SLIT3: variants seen among roughly 807,000 people sequenced by gnomAD.
The protein encoded by SLIT3 is slit guidance ligand 3.
A neutral mutation model predicts 184.0 loss-of-function variants in SLIT3; 68 were observed. The observed-to-expected ratio is 0.37, with a 90% CI of 0.30 to 0.45. The LOEUF (loss-of-function observed/expected upper bound fraction) is 0.45. SLIT3 is among the 20% of genes least tolerant of loss of function. The pLI is 1.00. For synonymous variants in SLIT3, 831 were observed against 828.6 expected, an observed-to-expected ratio of 1.00 and a Z score of -0.05; for missense variants, 1,707 against 2,026.0, an observed-to-expected ratio of 0.84 and a Z score of 3.02.
chr5:169,233,156 G>A (rs1765065755), intron 3 of SLIT3, among the ~76,000 whole-genome samples: 2 of 152,250 alleles, frequency 1.3e-5, no homozygotes, highest in South Asian at 2.1e-4. Flanking sequence ...CTCCCGAGTA[G>A]CTGGGACTAC....
intron 5 of SLIT3, among the ~76,000 whole-genome samples, chr5:168,859,078 CA>C (rs986781347): frequency 2.0e-5 from 3 of 152,200 alleles, no homozygotes; most frequent in Non-Finnish European, 4.4e-5. Context: ...GGATAATCAG[CA>C]CTAACGTTTC....
At chr5:168,815,385 A>G (rs1757305418) in intron 8 of SLIT3, among the ~76,000 whole-genome samples, 1 of 152,184 alleles carries the variant, frequency 6.6e-6, no homozygotes, top group Non-Finnish European at 1.5e-5. Flanking sequence ...CATACACTAC[A>G]TTAAACCTGG....
At chr5:168,703,133 T>C (rs189916092) in intron 26 of SLIT3, among the ~76,000 whole-genome samples, 3 of 152,260 alleles carry the variant, frequency 2.0e-5, no homozygotes, top group Non-Finnish European at 2.9e-5. Flanking sequence ...TTAATTAGCC[T>C]GATTCAATTC....
chr5:169,253,710 A>G (rs1765853963), intron 1 of SLIT3, among the ~76,000 whole-genome samples: 1 of 152,138 alleles, frequency 6.6e-6, no homozygotes, highest in South Asian at 2.1e-4. Flanking sequence ...CTCAACTTTG[A>G]AATTTCAGTT....
chr5:168,748,549 G>T, intron 19 of SLIT3, 115 bp from the exon 20 acceptor site: 1 of 1,065,390 alleles, frequency 9.4e-7, no homozygotes, highest in Non-Finnish European at 1.3e-6. Flanking sequence ...TCCCCGCTGT[G>T]TTCTAGAACC....
intron 4 of SLIT3, among the ~76,000 whole-genome samples, chr5:169,106,790 G>A (rs978296022): frequency 3.9e-5 from 6 of 152,184 alleles, no homozygotes; most frequent in African/African-American, 1.4e-4. Flanking sequence ...AAAGCAGTGG[G>A]CCAAATATCA....
intron 20 of SLIT3, among the ~76,000 whole-genome samples, chr5:168,740,632 C>G (rs1462175908): frequency 6.6e-6 from 1 of 152,090 alleles, no homozygotes; most frequent in African/African-American, 2.4e-5. Context: ...CACTCATTCT[C>G]CTGCTTACCC....
chr5:168,735,661 T>TAC (rs150528782), intron 20 of SLIT3, among the ~76,000 whole-genome samples: 25,718 of 141,730 alleles, frequency 0.18, 2,494 homozygotes, highest in East Asian at 0.31. Context: ...GACAGATAGA[T>TAC]ACACACACAC....
At chr5:168,912,629 G>A (rs993561078) in intron 4 of SLIT3, among the ~76,000 whole-genome samples, 1 of 152,156 alleles carries the variant, frequency 6.6e-6, no homozygotes, top group Non-Finnish European at 1.5e-5. Context: ...AGCCAGCAAA[G>A]TTTGGGTGTA....
intron 4 of SLIT3, among the ~76,000 whole-genome samples, chr5:169,146,448 C>G (rs981689219): frequency 9.9e-5 from 15 of 152,188 alleles, no homozygotes; most frequent in Admixed American, 3.3e-4. Flanking sequence ...AGCTGCAGGG[C>G]TTTCATCACT....
chr5:168,668,074 G>A (rs1278934899), intron 35 of SLIT3, among the ~76,000 whole-genome samples: 1 of 152,156 alleles, frequency 6.6e-6, no homozygotes, highest in Non-Finnish European at 1.5e-5. Flanking sequence ...CTCAAGGCAC[G>A]GGGTGGACTG....
chr5:168,823,401 G>A (rs1757600095), intron 6 of SLIT3, 70 bp from the exon 7 acceptor site: 4 of 1,092,568 alleles, frequency 3.7e-6, no homozygotes, highest in Admixed American at 3.4e-5. Flanking sequence ...CTTGTAGTAG[G>A]TCGGGGGAGG....
chr5:168,893,561 C>T (rs1184886440), intron 4 of SLIT3, among the ~76,000 whole-genome samples: 1 of 152,136 alleles, frequency 6.6e-6, no homozygotes, highest in Non-Finnish European at 1.5e-5. Flanking sequence ...GATCCTTTGG[C>T]CCGAAAGCTG....
At position 168,852,812 on chromosome 5, in the gene SLIT3, C is replaced by T. The variant is rs369872764; in HGVS notation, c.486-8157G>A. ...AACTAAGTGATTCACATCCATGCCC[C>T]TCAGTCTCAGTTGTAAAAGGCAGAT... On this transcript the variant is annotated intron_variant, in intron 5 of 35. Transcript: ENST00000519560. Among the ~76,000 whole-genome samples the T allele has an allele frequency of 2.0e-5, 3 of 152,254 alleles. No homozygotes were observed. In the East Asian group the frequency reaches 5.8e-4, roughly 29 times the overall value.
Position 169,071,444 on chromosome 5 carries a change from G to A in SLIT3, c.413+122035C>T, listed in dbSNP as rs192060303. ...GGGCAAAATAAAGAGGAGAAAGAGC[G>A]TTTGAGGGAAAGGTAGTTCATAAAA... On this transcript the variant is annotated intron_variant, in intron 4 of 35. Transcript: ENST00000519560. 2.0e-3 allele frequency among the ~76,000 whole-genome samples: 297 copies of A among 152,306 alleles called. No individual in the cohort carries two copies. The Middle Eastern group carries it at 0.027, about 14-fold the overall frequency.
At chr5:169,188,568 G>A (rs1210933813) in intron 4 of SLIT3, among the ~76,000 whole-genome samples, 1 of 152,088 alleles carries the variant, frequency 6.6e-6, no homozygotes, top group African/African-American at 2.4e-5. Context: ...CAAGTGCAGT[G>A]TTCATCCAAC....
chr5:168,768,856 T>C (rs1755442980), intron 14 of SLIT3, among the ~76,000 whole-genome samples: 1 of 152,136 alleles, frequency 6.6e-6, no homozygotes, highest in Admixed American at 6.5e-5. Context: ...TAGACACTCA[T>C]CCCAGATCAT....
chr5:169,282,582 A>G (rs1305929584), intron 1 of SLIT3, among the ~76,000 whole-genome samples: 1 of 152,210 alleles, frequency 6.6e-6, no homozygotes, highest in African/African-American at 2.4e-5. Context: ...TGTATATTCT[A>G]TAATTCTGGC....
intron 31 of SLIT3, among the ~76,000 whole-genome samples, chr5:168,685,053 C>A (rs938722328): frequency 2.6e-5 from 4 of 152,146 alleles, no homozygotes; most frequent in Admixed American, 2.6e-4. Context: ...CAGGTTCAAG[C>A]GATTCTCATG....
Sources: allele counts gnomAD v4.1 joint callset (sites outside exome capture counted in the v4.1 genomes callset), GRCh38; gene constraint gnomAD v4.1.1; transcripts MANE v1.5; gene names NCBI Gene and HGNC (gene_info 2026-07-23, HGNC 2026-07-21).